TNK2: variants seen among roughly 807,000 people sequenced by gnomAD.
TNK2 encodes the protein tyrosine kinase non receptor 2, also known as activated CDC42 kinase 1.
A neutral mutation model predicts 101.8 loss-of-function variants in TNK2; 83 were observed. The ratio of observed to expected loss-of-function variants is 0.82; its 90% CI spans 0.68 to 0.98. The LOEUF is 0.98. Among genes scored for constraint, TNK2 ranks in the 50% least tolerant of loss-of-function variants. The probability of loss-of-function intolerance (pLI) is 0.00; values close to 1 mark genes in which losing one functional copy is unlikely to be tolerated. For synonymous variants in TNK2, 804 were observed against 633.0 expected (o/e 1.27, Z -4.06); for missense variants, 1,665 against 1,483.2 (o/e 1.12, Z -2.01).
chr3:195,874,015 T>TC (rs1747359233), intron 9 of TNK2, among the ~76,000 whole-genome samples: 1 of 151,688 alleles, frequency 6.6e-6, no homozygotes, highest in African/African-American at 2.4e-5. Context: ...GCAGGGCCAC[T>TC]CGAAGGAGCA....
chr3:195,864,756 C>T (rs1739456187), intron 15 of TNK2, among the ~76,000 whole-genome samples: 2 of 144,286 alleles, frequency 1.4e-5, no homozygotes, highest in African/African-American at 2.6e-5. Context: ...CGAGTGCCTG[C>T]GTCCCAGGTG....
intron 1 of TNK2, chr3:195,908,031 G>A (rs1011156355): frequency 6.6e-6 from 1 of 152,338 alleles, no homozygotes; most frequent in African/African-American, 2.4e-5. Context: ...CAGCTCACGT[G>A]ACCAACAGGG....
intron 1 of TNK2, chr3:195,895,280 T>A (rs773818347): frequency 1.3e-6 from 2 of 1,565,608 alleles, no homozygotes; most frequent in South Asian, 2.3e-5. Flanking sequence ...CAGGCGCTGG[T>A]AAGCAGATCT....
In TNK2 at chr3:195,867,775, C is replaced by G. The variant is rs1256907498; in HGVS notation, c.2523G>C (p.Lys841Asn). Residue 841 changes from lysine to asparagine, a missense_variant, in exon 13 of 16, where the codon AAG becomes AAC. Physicochemically the swap from Lys to Asn is moderately conservative, Grantham distance 94. Transcript: ENST00000672887. ...CCTGGATCACCTGGGGGGTGGCGTA[C>G]TTGGGGTCTGAGGCAAAGCTCTGGG... is the stretch of plus-strand genomic sequence containing the variant. ...PTTQSFASDP[K>N]YATPQVIQAP... is the part of the protein sequence containing the mutation. 6.3e-7 allele frequency: 1 copy of G among 1,582,590 alleles called. No homozygotes were observed. Among genetic ancestry groups the G allele is most frequent in the African/African-American group, 1.4e-5 (1 of 73,352 alleles).
chr3:195,893,795 C>A (rs1289679508), intron 1 of TNK2, among the ~76,000 whole-genome samples: 3 of 152,128 alleles, frequency 2.0e-5, no homozygotes, highest in Non-Finnish European at 4.4e-5. Flanking sequence ...GCTCAGGGAG[C>A]CTCAGCTGGC....
intron 1 of TNK2, chr3:195,895,597 T>G: frequency 1.5e-6 from 2 of 1,310,448 alleles, no homozygotes; most frequent in Middle Eastern, 2.8e-4. Flanking sequence ...GTGAGCCAGC[T>G]GTGCCAGCCC....
At chr3:195,905,002 T>C (rs1280452670) in intron 1 of TNK2, among the ~76,000 whole-genome samples, 2 of 152,166 alleles carry the variant, frequency 1.3e-5, no homozygotes, top group Admixed American at 6.5e-5. Context: ...AAAATGTATA[T>C]GGAAGTGCAA....
chr3:195,886,858 G>A lies in TNK2; in HGVS notation c.234+119C>T. On this transcript the variant is annotated intron_variant, in intron 3 of 15. Coordinates refer to ENST00000672887, the MANE Select transcript of TNK2 (RefSeq NM_001382273.1). The surrounding 1 kb of genome is among the most constrained non-coding windows in gnomAD (Gnocchi z 4.2). The stretch of plus-strand genomic sequence containing the variant: ...TGGACGAGGGGGTCCTGTACAAAGT[G>A]CCGGCAGAACGGCGAGATTCGACCT... The A allele has an allele frequency of 4.5e-6, 5 of 1,103,434 alleles. No individual in the cohort carries two copies. The Admixed American group carries it at 6.9e-5, about 15-fold the overall frequency. The allele number at this position is 1,103,434 out of a possible 1,614,324, so 68.4% of individuals were successfully genotyped here.
In TNK2 at chr3:195,882,042, GC is replaced by G; in HGVS notation, c.887+8del. 6.2e-7 allele frequency: 1 copy of G among 1,603,772 alleles called. No homozygotes were observed. The highest frequency in any genetic ancestry group is 8.5e-7 in the Non-Finnish European group (1 of 1,172,798). Reference sequence around the variant, plus strand: ...GGGACTCTGTGAGCTGGCAGCACCTGCCCCTCACCAGGCGAAGGGCACCTTG... The same window carrying G: ...GGGACTCTGTGAGCTGGCAGCACCTGCCCTCACCAGGCGAAGGGCACCTTG... On this transcript the variant is annotated splice_region_variant and intron_variant, in intron 6 of 15. Coordinates refer to ENST00000672887, the MANE Select transcript of TNK2 (RefSeq NM_001382273.1). This position sits in a 1 kb window ranked among gnomAD's most constrained non-coding sequence, Gnocchi z 4.2.
chr3:195,898,975 A>T (rs1374849565), intron 1 of TNK2, among the ~76,000 whole-genome samples: 2 of 152,114 alleles, frequency 1.3e-5, no homozygotes, highest in East Asian at 3.9e-4. Context: ...GGGCACCTGC[A>T]GTCCCAGCTA....
chr3:195,876,671 C>T (rs898928622), intron 9 of TNK2: 7 of 454,936 alleles, frequency 1.5e-5, no homozygotes, highest in Admixed American at 7.1e-5. Context: ...GGCTGGTGGC[C>T]CAGGGGGAAG....
At chr3:195,872,544 C>G in intron 9 of TNK2, 74 bp from the exon 10 acceptor site, 1 of 1,455,040 alleles carries the variant, frequency 6.9e-7, no homozygotes, top group South Asian at 1.4e-5. Context: ...TCCTCACACC[C>G]TGGCCACTGT....
At chr3:195,871,992 C>A (rs56251144) in intron 10 of TNK2, among the ~76,000 whole-genome samples, 5,505 of 34,954 alleles carry the variant, frequency 0.16, 245 homozygotes, top group Middle Eastern at 0.24. Flanking sequence ...CCTGGAGAAC[C>A]CTCCCCTGGA....
At chr3:195,906,619 G>C (rs1761746905) in intron 1 of TNK2, among the ~76,000 whole-genome samples, 1 of 151,168 alleles carries the variant, frequency 6.6e-6, no homozygotes, top group African/African-American at 2.4e-5. Flanking sequence ...GGTTCCACAA[G>C]AAAACTTCTG....
intron 2 of TNK2, among the ~76,000 whole-genome samples, chr3:195,887,938 A>G (rs1037076104): frequency 8.2e-6 from 1 of 121,872 alleles, no homozygotes. Context: ...GTGTGTGCGC[A>G]TGTGCGTGTG....
At chr3:195,870,048 T>C in intron 11 of TNK2, 66 bp downstream of exon 11, 3 of 1,234,388 alleles carry the variant, frequency 2.4e-6, no homozygotes, top group Non-Finnish European at 3.3e-6. Context: ...GGGTGGCCTG[T>C]GAAGACAGTG....
Position 195,867,413 on chromosome 3 carries a change from C to G in TNK2, c.2885G>C (p.Gly962Ala), listed in dbSNP as rs930623998. 1 of 1,603,632 alleles carries G rather than the reference C, an allele frequency of 6.2e-7. No individual in the cohort carries two copies. The highest frequency in any genetic ancestry group is 1.3e-5 in the African/African-American group (1 of 74,864). ...PRATARLPQRGCPGDGPEAGR... is the reference protein window; with the variant it reads ...PRATARLPQRACPGDGPEAGR... ...CGCCTCTGGCCCATCGCCAGGGCAGCCCCTCTGTGGCAGCCGAGCAGTGGC... is the reference window on the plus strand; with the variant it reads ...CGCCTCTGGCCCATCGCCAGGGCAGGCCCTCTGTGGCAGCCGAGCAGTGGC... Residue 962 changes from glycine to alanine, a missense_variant, in exon 13 of 16, where the codon GGC becomes GCC. By Grantham distance (60) the Gly-to-Ala change is moderately conservative. Coordinates refer to ENST00000672887, the MANE Select transcript of TNK2 (RefSeq NM_001382273.1).
At position 195,868,060 on chromosome 3, in the gene TNK2, C is replaced by CG; in HGVS notation, c.2237dup (p.Asp749Ter). On this transcript the variant is annotated frameshift_variant, in exon 13 of 16. Transcript: ENST00000672887. LOFTEE classifies it high-confidence loss of function. Reference sequence around the variant, plus strand: ...GCACCTGGGGCTTGTCGTCACCCCCCGGGCTGGGAGAGGGGGCCGGGGAGC... The same window carrying CG: ...GCACCTGGGGCTTGTCGTCACCCCCCGGGGCTGGGAGAGGGGGCCGGGGAGC... 1 of 1,602,420 alleles carries CG rather than the reference C, an allele frequency of 6.2e-7. No homozygotes were observed. Among genetic ancestry groups the CG allele is most frequent in the Non-Finnish European group, 8.5e-7 (1 of 1,176,590 alleles).
Position 195,867,250 on chromosome 3 carries a change from C to T in TNK2, c.2952G>A (p.Val984=), listed in dbSNP as rs1240179624. ...ADKIQMLQAM[V]HGVTTEECQA... is the part of the protein sequence containing the mutation. ...GGCACTCCTCTGTGGTCACCCCATGCACCATGGCCTGCAGCTGGGCACACC... is the reference window on the plus strand; with the variant it reads ...GGCACTCCTCTGTGGTCACCCCATGTACCATGGCCTGCAGCTGGGCACACC... Residue 984 remains valine (V), a synonymous_variant, in exon 14 of 16, where the codon GTG becomes GTA. Transcript: ENST00000672887. 3 of 1,612,726 alleles carry T rather than the reference C, an allele frequency of 1.9e-6. No individual in the cohort carries two copies. In the South Asian group the frequency reaches 3.3e-5, roughly 18 times the overall value.
Sources: allele counts gnomAD v4.1 joint callset (sites outside exome capture counted in the v4.1 genomes callset), GRCh38; gene constraint gnomAD v4.1.1; non-coding constraint Gnocchi (gnomAD v3.1); transcripts MANE v1.5; gene names NCBI Gene and HGNC (gene_info 2026-07-23, HGNC 2026-07-21).